The following RUNX1 variants were observed in gnomAD, a reference collection of about 807,000 sequenced individuals.
RUNX1 encodes runt-related transcription factor 1.
RUNX1 carries 19 observed loss-of-function variants against 42.8 expected under a neutral mutation model. That is an observed-to-expected ratio of 0.44 (90% CI 0.31 to 0.65). The LOEUF (loss-of-function observed/expected upper bound fraction) is 0.65. Ranked by LOEUF, RUNX1 falls within the 30% of genes least tolerant of loss-of-function variation. The probability of loss-of-function intolerance (pLI) is 0.07; values close to 1 mark genes in which losing one functional copy is unlikely to be tolerated. For missense variants in RUNX1, 528 were observed against 672.0 expected (o/e 0.79, Z 2.37); for synonymous variants, 271 against 289.4 (o/e 0.94, Z 0.64).
At chr21:34,856,628 G>A (rs1011787651) in intron 6 of RUNX1, among the ~76,000 whole-genome samples, 3 of 152,112 alleles carry the variant, frequency 2.0e-5, no homozygotes, top group Non-Finnish European at 4.4e-5. Flanking sequence ...CATTTTTCTG[G>A]GGCTATTTTC....
chr21:34,866,499 C>T (rs1011926509), intron 5 of RUNX1, among the ~76,000 whole-genome samples: 2 of 152,108 alleles, frequency 1.3e-5, no homozygotes, highest in African/African-American at 4.8e-5. Flanking sequence ...CCTCGGATTC[C>T]AGGAGTAGTC....
At chr21:35,019,207 C>G (rs2031903493) in intron 2 of RUNX1, among the ~76,000 whole-genome samples, 1 of 152,218 alleles carries the variant, frequency 6.6e-6, no homozygotes, top group African/African-American at 2.4e-5. Flanking sequence ...CTGGCACTTC[C>G]TGCCTTGCAG....
rs139259388 is a variant in RUNX1, at chr21:35,045,552, G to A, written c.58+3290C>T. Among the ~76,000 whole-genome samples, 9 of 152,264 alleles carry A rather than the reference G, an allele frequency of 5.9e-5. No individual in the cohort carries two copies. In the East Asian group the frequency reaches 1.7e-3, roughly 29 times the overall value. On this transcript the variant is annotated intron_variant, in intron 2 of 8. Transcript: ENST00000675419. ...GACACACACAGAGGGATAACCATGT[G>A]ATGAAACAGGGAGAAGGGAGCTGTC... is the stretch of plus-strand genomic sequence containing the variant.
rs1357960646 is a variant in RUNX1 at position 34,901,517 on chromosome 21, TA to T, written c.59-8555del. On this transcript the variant is annotated intron_variant, in intron 2 of 8. Transcript: ENST00000675419. The surrounding 1 kb of genome is among the most constrained non-coding windows in gnomAD (Gnocchi z 4.3). ...GACAGAGCCAGATCCGTCTCAAAAA[TA>T]AATAATAATAATAATAATAACAATA... Among the ~76,000 whole-genome samples, 1 of 151,250 alleles carries T rather than the reference TA, an allele frequency of 6.6e-6. No individual in the cohort carries two copies. Among genetic ancestry groups the T allele is most frequent in the Admixed American group, 6.6e-5 (1 of 15,186 alleles).
At position 34,791,194 on chromosome 21, in the gene RUNX1, A is replaced by G. The variant is rs2056429095; in HGVS notation, c.*941T>C. 4.3e-6 allele frequency: 1 copy of G among 233,460 alleles called. No homozygotes were observed. Among genetic ancestry groups the G allele is most frequent in the Non-Finnish European group, 8.5e-6 (1 of 117,982 alleles). The allele number at this position is 233,460 out of a possible 1,614,324, so 14.5% of individuals were successfully genotyped here. On this transcript the variant is annotated 3_prime_UTR_variant, in exon 9 of 9. Coordinates refer to ENST00000675419, the MANE Select transcript of RUNX1 (RefSeq NM_001754.5). ...TTAATGTAAACAATACTTCTGGATA[A>G]CCAAGCGATCACATTACTCATTCTT...
At chr21:34,862,380 G>C (rs2057589669) in intron 5 of RUNX1, among the ~76,000 whole-genome samples, 1 of 152,164 alleles carries the variant, frequency 6.6e-6, no homozygotes, top group Non-Finnish European at 1.5e-5. Flanking sequence ...GCACCTCAGT[G>C]ACTTCATAAA....
chr21:35,016,884 T>C lies in RUNX1; in HGVS notation c.58+31958A>G, dbSNP rs1039604065. On this transcript the variant is annotated intron_variant, in intron 2 of 8. Transcript: ENST00000675419. The stretch of plus-strand genomic sequence containing the variant: ...TGGGACTTGCAGTGTGTGCACATTG[T>C]GTGTGTGTGTGTGTGTGTGTAGCTG... Among the ~76,000 whole-genome samples, 4 of 147,952 alleles carry C rather than the reference T, an allele frequency of 2.7e-5. No homozygotes were observed. In the South Asian group the frequency reaches 8.5e-4, roughly 31 times the overall value.
intron 5 of RUNX1, among the ~76,000 whole-genome samples, chr21:34,875,693 G>A (rs985782781): frequency 7.9e-5 from 12 of 152,094 alleles, no homozygotes; most frequent in African/African-American, 1.4e-4. Flanking sequence ...GGGATCCTAC[G>A]ATAATACTGC....
intron 2 of RUNX1, among the ~76,000 whole-genome samples, chr21:34,957,006 A>G (rs1255043553): frequency 3.9e-5 from 6 of 152,204 alleles, no homozygotes; most frequent in Non-Finnish European, 5.9e-5. Context: ...CTGTGCCCCT[A>G]GGACAGGCAC....
At chr21:34,917,121 T>G (rs1443243179) in intron 2 of RUNX1, among the ~76,000 whole-genome samples, 2 of 152,112 alleles carry the variant, frequency 1.3e-5, no homozygotes, top group African/African-American at 4.8e-5. Context: ...CAGGTGGGCA[T>G]CACAGAAGGA....
rs1293688170 is a variant in RUNX1, at chr21:34,788,442, A to G, written c.*3693T>C. 2 of 233,254 alleles carry G rather than the reference A, an allele frequency of 8.6e-6. No homozygotes were observed. The highest frequency in any genetic ancestry group is 8.5e-6 in the Non-Finnish European group (1 of 117,812). 14.4% of individuals were successfully genotyped at this position (233,254 alleles called of 1,614,324 possible). On this transcript the variant is annotated 3_prime_UTR_variant, in exon 9 of 9. Transcript: ENST00000675419. ...GAACCATGCTATTAGCTGTTTACAA[A>G]AGTGAATAAGAAGTAGCTCATTTTA...
intron 2 of RUNX1, among the ~76,000 whole-genome samples, chr21:34,918,165 C>T (rs2058326685): frequency 6.7e-6 from 1 of 150,328 alleles, no homozygotes; most frequent in African/African-American, 2.5e-5. Context: ...TGGCTTTTAC[C>T]CAAGTGATGA....
At chr21:34,895,447 G>A (rs913401333) in intron 2 of RUNX1, among the ~76,000 whole-genome samples, 6 of 152,214 alleles carry the variant, frequency 3.9e-5, no homozygotes, top group Non-Finnish European at 7.3e-5. Flanking sequence ...CTGGTGGGAG[G>A]GAATATAAGA....
rs1601531263 is a variant in RUNX1 at position 34,887,862 on chromosome 21, T to G, written c.98-766A>C. 4.7e-6 allele frequency: 5 copies of G among 1,064,940 alleles called. No individual in the cohort carries two copies. The East Asian group carries it at 2.5e-4, about 53-fold the overall frequency. The allele number at this position is 1,064,940 out of a possible 1,614,324, so 66.0% of individuals were successfully genotyped here. ...AGTGCTGAGCTAGAAGTACTTGTCA[T>G]GTTCTCTGTTCTCTCAATGAATTCT... On this transcript the variant is annotated intron_variant, in intron 3 of 8. Coordinates refer to ENST00000675419, the MANE Select transcript of RUNX1 (RefSeq NM_001754.5).
At chr21:34,884,669 A>G (rs1273366847) in intron 4 of RUNX1, among the ~76,000 whole-genome samples, 2 of 152,162 alleles carry the variant, frequency 1.3e-5, no homozygotes, top group African/African-American at 4.8e-5. Context: ...TTACTGTCTC[A>G]CTGAACATTT....
intron 2 of RUNX1, among the ~76,000 whole-genome samples, chr21:34,942,817 C>T (rs376406137): frequency 2.5e-3 from 380 of 152,298 alleles, no homozygotes; most frequent in African/African-American, 8.7e-3. Flanking sequence ...CTCCACTCAG[C>T]ATGGCACAAC....
chr21:34,955,441 G>C (rs538238774), intron 2 of RUNX1, among the ~76,000 whole-genome samples: 1 of 152,210 alleles, frequency 6.6e-6, no homozygotes, highest in South Asian at 2.1e-4. Context: ...AGAAAAGCTA[G>C]GCAAGTCCAT....
At chr21:35,010,471 A>G (rs1321288887) in intron 2 of RUNX1, among the ~76,000 whole-genome samples, 2 of 152,098 alleles carry the variant, frequency 1.3e-5, no homozygotes, top group East Asian at 3.9e-4. Flanking sequence ...GTTGACGAGA[A>G]TGTTTTTGCC....
At chr21:34,930,289 T>TATAAATAA (rs200464696) in intron 2 of RUNX1, among the ~76,000 whole-genome samples, 11 of 137,218 alleles carry the variant, frequency 8.0e-5, no homozygotes, top group African/African-American at 3.1e-4. Context: ...TATATATATA[T>TATAAATAA]ATAAATAAAT....
Sources: allele counts gnomAD v4.1 joint callset (sites outside exome capture counted in the v4.1 genomes callset), GRCh38; gene constraint gnomAD v4.1.1; non-coding constraint Gnocchi (gnomAD v3.1); transcripts MANE v1.5; gene names NCBI Gene and HGNC (gene_info 2026-07-23, HGNC 2026-07-21).